Variants in TFDP2 observed in about 807,000 individuals in gnomAD.
TFDP2 encodes transcription factor Dp-2 (E2F dimerization partner 2).
TFDP2 carries 17 observed loss-of-function variants against 59.3 expected under a neutral mutation model. The ratio of observed to expected loss-of-function variants is 0.29; its 90% CI spans 0.20 to 0.43. TFDP2 has a LOEUF of 0.43. Among genes scored for constraint, TFDP2 ranks in the 20% least tolerant of loss-of-function variants. The pLI, the probability that TFDP2 is intolerant of heterozygous loss-of-function variation, is 1.00. For synonymous variants in TFDP2, 180 were observed against 194.7 expected, an observed-to-expected ratio of 0.92 and a Z score of 0.63; for missense variants, 391 against 528.8, an observed-to-expected ratio of 0.74 and a Z score of 2.56.
At chr3:141,970,245 T>C in intron 8 of TFDP2, 104 bp from the exon 9 acceptor site, 2 of 1,072,074 alleles carry the variant, frequency 1.9e-6, no homozygotes, top group Non-Finnish European at 1.4e-6. Flanking sequence ...CTAGAGAAAC[T>C]GAACCCATTT....
intron 7 of TFDP2, among the ~76,000 whole-genome samples, chr3:141,974,641 A>C (rs1940323427): frequency 6.6e-6 from 1 of 152,178 alleles, no homozygotes. Flanking sequence ...ACATGACAAC[A>C]AATAGTATAC....
At chr3:141,962,241 G>A (rs1302045766) in intron 10 of TFDP2, among the ~76,000 whole-genome samples, 1 of 152,006 alleles carries the variant, frequency 6.6e-6, no homozygotes, top group Non-Finnish European at 1.5e-5. Context: ...AACACGCCCG[G>A]CCAAGAATCC....
At chr3:141,997,248 A>T (rs1320784260) in intron 4 of TFDP2, among the ~76,000 whole-genome samples, 1 of 152,218 alleles carries the variant, frequency 6.6e-6, no homozygotes, top group Non-Finnish European at 1.5e-5. Flanking sequence ...ATAATAGGGG[A>T]AAAAGTAACT....
chr3:142,144,990 C>T (rs955718618), intron 1 of TFDP2, among the ~76,000 whole-genome samples: 10 of 152,138 alleles, frequency 6.6e-5, no homozygotes, highest in African/African-American at 1.9e-4. Flanking sequence ...TGGCAGACTA[C>T]GGTAATATTA....
rs944682216 is a variant in TFDP2, at chr3:141,947,414, CTTTCTTT to C, written c.*5092_*5098del. On this transcript the variant is annotated 3_prime_UTR_variant, in exon 13 of 13. Transcript: ENST00000489671. The stretch of plus-strand genomic sequence containing the variant: ...TCTCAATTTCTAATCATTTTTCTTT[CTTTCTTT>C]TTTCTTTTTTTGAGACAGAGTCCTG... 6.6e-6 allele frequency: 1 copy of C among 151,906 alleles called. No individual in the cohort carries two copies. Among genetic ancestry groups the C allele is most frequent in the Non-Finnish European group, 1.5e-5 (1 of 67,952 alleles). 9.4% of individuals were successfully genotyped at this position (151,906 alleles called of 1,614,324 possible). A position where few individuals can be genotyped will look rare whatever the true frequency, so the allele number is the denominator to read the frequency against.
chr3:142,025,360 T>C (rs1012552398), intron 3 of TFDP2, among the ~76,000 whole-genome samples: 1 of 152,234 alleles, frequency 6.6e-6, no homozygotes, highest in African/African-American at 2.4e-5. Flanking sequence ...GCAGTGGGAA[T>C]TCATCTTAAA....
chr3:142,145,551 T>A (rs796420630), intron 1 of TFDP2: 5 of 152,182 alleles, frequency 3.3e-5, no homozygotes, highest in African/African-American at 1.2e-4. Flanking sequence ...GCATTCCACA[T>A]TTTTACTTGA....
At chr3:142,005,071 A>G (rs1414018979) in intron 4 of TFDP2, among the ~76,000 whole-genome samples, 3 of 152,238 alleles carry the variant, frequency 2.0e-5, no homozygotes, top group Non-Finnish European at 4.4e-5. Flanking sequence ...TTTTTGAGAC[A>G]GGGTCTTGCT....
intron 3 of TFDP2, among the ~76,000 whole-genome samples, chr3:142,019,009 C>T (rs1436284091): frequency 3.7e-5 from 5 of 136,108 alleles, no homozygotes; most frequent in African/African-American, 1.1e-4. Context: ...GCAAATATTT[C>T]CCCCAATTGA....
Position 142,066,154 on chromosome 3 carries a change from C to T in TFDP2, c.82+26907G>A, listed in dbSNP as rs189440282. ...TCCCTACAGGGAGCCATTCCAGCAA[C>T]TCTCTCAGTAGAACTCTGAATTCCT... is the stretch of plus-strand genomic sequence containing the variant. On this transcript the variant is annotated intron_variant, in intron 3 of 12. Transcript: ENST00000489671. 4.6e-5 allele frequency among the ~76,000 whole-genome samples: 7 copies of T among 152,328 alleles called. No homozygotes were observed. The East Asian group carries it at 1.3e-3, about 29-fold the overall frequency.
Position 142,099,008 on chromosome 3 carries a change from A to G in TFDP2, c.15+2727T>C, listed in dbSNP as rs965737427. On this transcript the variant is annotated intron_variant, in intron 2 of 12. Coordinates refer to ENST00000489671, the MANE Select transcript of TFDP2 (RefSeq NM_001178139.2). ...GACCTAATAAAGCATGGATAAGACA[A>G]AAGTAACTCTTCACAAAAAAACTGT... Among the ~76,000 whole-genome samples, 68 of 152,236 alleles carry G rather than the reference A, an allele frequency of 4.5e-4. 3 individuals are homozygous for G. Among genetic ancestry groups the G allele is most frequent in the Non-Finnish European group, 4.4e-5 (3 of 68,036 alleles).
At chr3:141,994,530 T>C (rs1264032132) in intron 5 of TFDP2, 1 of 152,138 alleles carries the variant, frequency 6.6e-6, no homozygotes. Flanking sequence ...AGTGACAAAT[T>C]AGTAACAGAA....
At chr3:142,077,740 C>A (rs1250210799) in intron 3 of TFDP2, among the ~76,000 whole-genome samples, 1 of 152,038 alleles carries the variant, frequency 6.6e-6, no homozygotes, top group Non-Finnish European at 1.5e-5. Context: ...TCACGTATGA[C>A]CCAGAACATT....
At chr3:142,092,575 TC>T (rs976865732) in intron 3 of TFDP2, among the ~76,000 whole-genome samples, 4 of 152,084 alleles carry the variant, frequency 2.6e-5, no homozygotes, top group South Asian at 4.1e-4. Flanking sequence ...TGCCTCGGCC[TC>T]CCAAAGTGCT....
At chr3:141,996,224 T>C (rs1943260237) in intron 4 of TFDP2, among the ~76,000 whole-genome samples, 1 of 152,122 alleles carries the variant, frequency 6.6e-6, no homozygotes, top group Non-Finnish European at 1.5e-5. Context: ...TAATAATTAA[T>C]ACAAAAAAAC....
At chr3:142,014,038 ATT>A (rs1944933965) in intron 3 of TFDP2, among the ~76,000 whole-genome samples, 3 of 152,224 alleles carry the variant, frequency 2.0e-5, no homozygotes, top group Admixed American at 2.0e-4. Context: ...AATAATACAT[ATT>A]TTTTGTGGGT....
chr3:142,065,280 G>A (rs1488108307), intron 3 of TFDP2, among the ~76,000 whole-genome samples: 2 of 151,864 alleles, frequency 1.3e-5, no homozygotes, highest in East Asian at 3.9e-4. Flanking sequence ...CACACAAGGA[G>A]CAAGGAGCTG....
chr3:142,103,205 T>C (rs113344455), intron 1 of TFDP2, among the ~76,000 whole-genome samples: 8,107 of 151,708 alleles, frequency 0.053, 228 homozygotes, highest in African/African-American at 0.07. Context: ...GCCATTGCAC[T>C]CCAGCCTGGG....
intron 1 of TFDP2, among the ~76,000 whole-genome samples, chr3:142,115,560 C>T (rs1363494411): frequency 6.6e-6 from 1 of 152,144 alleles, no homozygotes; most frequent in Non-Finnish European, 1.5e-5. Flanking sequence ...CCTCGTGATC[C>T]GCCGGCCTCG....
Sources: allele counts gnomAD v4.1 joint callset (sites outside exome capture counted in the v4.1 genomes callset), GRCh38; gene constraint gnomAD v4.1.1; transcripts MANE v1.5; gene names NCBI Gene and HGNC (gene_info 2026-07-23, HGNC 2026-07-21).